Variants in TKTL1 observed in about 807,000 individuals in gnomAD.
TKTL1 encodes the protein transketolase-like protein 1.
In TKTL1, 1 loss-of-function variant was observed where a neutral mutation model predicts 39.3. The observed-to-expected ratio is 0.03, with a 90% CI of 0.01 to 0.12. The LOEUF (loss-of-function observed/expected upper bound fraction) is 0.12, where lower values mean the gene tolerates loss of function less well. TKTL1 is among the 10% of genes least tolerant of loss of function. The probability of loss-of-function intolerance (pLI) is 1.00; values close to 1 mark genes in which losing one functional copy is unlikely to be tolerated. For synonymous variants in TKTL1, 262 were observed against 193.8 expected (o/e 1.35, Z -2.92); for missense variants, 575 against 509.6 (o/e 1.13, Z -1.24).
At chrX:154,318,708 A>G (rs1358362185) in intron 7 of TKTL1, among the ~76,000 whole-genome samples, 7 of 72,833 alleles carry the variant, frequency 9.6e-5, no homozygotes, top group African/African-American at 6.2e-4. Flanking sequence ...CCTCCGTCTC[A>G]AAAAAAAAAA....
chrX:154,327,845 T>C lies in TKTL1; in HGVS notation c.1505T>C (p.Phe502Ser), dbSNP rs782716102. The change falls in exon 12 of 13, where the codon TTT (phenylalanine) becomes TCT (serine). Residue 502 changes from phenylalanine (F) to serine (S), a missense_variant. Coordinates refer to ENST00000369915, the MANE Select transcript of TKTL1 (RefSeq NM_012253.4). ...AADELSKQDI[F>S]IRVIDLFTIK... ...GGTTTTTGCTGTTCTGCAGATATTT[T>C]TATCCGTGTCATCGACCTGTTTACC... The C allele has an allele frequency of 8.3e-7, 1 of 1,210,270 alleles. No individual in the cohort carries two copies. The highest frequency in any genetic ancestry group is 2.2e-5 in the Admixed American group (1 of 45,802).
intron 1 of TKTL1, among the ~76,000 whole-genome samples, chrX:154,297,729 A>G (rs1465194211): frequency 9.1e-6 from 1 of 110,424 alleles, no homozygotes; most frequent in East Asian, 2.9e-4. Flanking sequence ...GTGTGAGCCT[A>G]GAAAGTTCGA....
intron 1 of TKTL1, among the ~76,000 whole-genome samples, chrX:154,303,473 C>T (rs1444041550): frequency 2.1e-5 from 2 of 96,226 alleles, no homozygotes; most frequent in Admixed American, 1.2e-4. Context: ...TCAAGCAATC[C>T]TCCTGCATCA....
At chrX:154,315,472 C>T (rs1003906395) in intron 7 of TKTL1, 135 bp downstream of exon 7, 3 of 648,157 alleles carry the variant, frequency 4.6e-6, no homozygotes, top group African/African-American at 2.2e-5. Flanking sequence ...AAGCAGGAGG[C>T]AAGTAGCCAG....
chrX:154,317,037 T>C (rs1268828933), intron 7 of TKTL1, among the ~76,000 whole-genome samples: 1 of 111,357 alleles, frequency 9.0e-6, no homozygotes, highest in Non-Finnish European at 1.9e-5. Flanking sequence ...CCCAAAGTGC[T>C]GGGATTACAG....
In TKTL1 at chrX:154,306,257, C is replaced by T. The variant is rs782594770; in HGVS notation, c.252+836C>T. On this transcript the variant is annotated intron_variant, in intron 2 of 12. Coordinates refer to ENST00000369915, the MANE Select transcript of TKTL1 (RefSeq NM_012253.4). ...CTGGGAGGCAGAGGTTACAGTGAGC[C>T]GAGATCGTGCCACTGCACTCCAGCC... is the stretch of plus-strand genomic sequence containing the variant. Among the ~76,000 whole-genome samples, 7 of 111,990 alleles carry T rather than the reference C, an allele frequency of 6.3e-5. No homozygotes were observed. The South Asian group carries it at 1.1e-3, about 18-fold the overall frequency.
In TKTL1 at chrX:154,306,181, T is replaced by C. The variant is rs991313861; in HGVS notation, c.252+760T>C. On this transcript the variant is annotated intron_variant, in intron 2 of 12. Transcript: ENST00000369915. ...AAAATTAGCTAGGCATGGTAGCACATGCCTCTAATCCCAGCTTTTCGGGAG... is the reference window on the plus strand; with the variant it reads ...AAAATTAGCTAGGCATGGTAGCACACGCCTCTAATCCCAGCTTTTCGGGAG... 2.7e-5 allele frequency among the ~76,000 whole-genome samples: 3 copies of C among 110,812 alleles called. No homozygotes were observed. In the South Asian group the frequency reaches 1.2e-3, roughly 43 times the overall value.
chrX:154,304,506 G>C (rs782044064), intron 1 of TKTL1, among the ~76,000 whole-genome samples: 2 of 109,850 alleles, frequency 1.8e-5, no homozygotes, highest in African/African-American at 6.6e-5. Flanking sequence ...CGAGGCGGGA[G>C]AATCACTTGA....
rs2067502093 is a variant in TKTL1 at position 154,327,522 on chromosome X, T to G, written c.1402-69T>G. On this transcript the variant is annotated intron_variant, in intron 10 of 12. Coordinates refer to ENST00000369915, the MANE Select transcript of TKTL1 (RefSeq NM_012253.4). ...ATTGGGGGATAGCGGCATAGCAAAG[T>G]GCCTTCCACTTTGACATGCATTCTG... 1.1e-5 allele frequency: 10 copies of G among 946,089 alleles called. No individual in the cohort carries two copies. The South Asian group carries it at 1.9e-4, about 18-fold the overall frequency. 78.0% of individuals were successfully genotyped at this position (946,089 alleles called of 1,213,427 possible). A position where few individuals can be genotyped will look rare whatever the true frequency, so the allele number is the denominator to read the frequency against.
rs111702195 is a variant in TKTL1 at position 154,322,489 on chromosome X, C to T, written c.1187-718C>T. On this transcript the variant is annotated intron_variant, in intron 8 of 12. Coordinates refer to ENST00000369915, the MANE Select transcript of TKTL1 (RefSeq NM_012253.4). ...AGAGGCTGCGGTGAGCCAAGATGAC[C>T]TAGTGCGCTCAAGCCTGGGCAACAG... Among the ~76,000 whole-genome samples the T allele has an allele frequency of 4.9e-3, 547 of 111,086 alleles. 2 individuals carry two copies. Among genetic ancestry groups the T allele is most frequent in the Middle Eastern group, 0.023 (5 of 219 alleles).
Position 154,295,802 on chromosome X carries a change from G to A in TKTL1, c.-58G>A, listed in dbSNP as rs782119844. On this transcript the variant is annotated 5_prime_UTR_variant, in exon 1 of 13. Coordinates refer to ENST00000369915, the MANE Select transcript of TKTL1 (RefSeq NM_012253.4). Reference sequence around the variant, plus strand: ...ACTGGGCAGCTCGCAGGCGCCATTCGCTCTTCAGACGCCGGAGACGTAGGA... The same window carrying A: ...ACTGGGCAGCTCGCAGGCGCCATTCACTCTTCAGACGCCGGAGACGTAGGA... The A allele has an allele frequency of 4.4e-5, 52 of 1,180,040 alleles. No homozygotes were observed. In the African/African-American group the frequency reaches 7.1e-4, roughly 16 times the overall value.
rs1458894897 is a variant in TKTL1, at chrX:154,304,622, G to T, written c.135-682G>T. Reference sequence around the variant, plus strand: ...TCGCGGGTCCCCATTAAGAAAATGGGGGAGGGACAGTCCCCATTTTCTTAA... The same window carrying T: ...TCGCGGGTCCCCATTAAGAAAATGGTGGAGGGACAGTCCCCATTTTCTTAA... On this transcript the variant is annotated intron_variant, in intron 1 of 12. Coordinates refer to ENST00000369915, the MANE Select transcript of TKTL1 (RefSeq NM_012253.4). 2.8e-5 allele frequency among the ~76,000 whole-genome samples: 3 copies of T among 108,319 alleles called. No individual in the cohort carries two copies. The Admixed American group carries it at 2.9e-4, about 10-fold the overall frequency. 94.1% of individuals were successfully genotyped at this position (108,319 alleles called of 115,157 possible).
At chrX:154,299,703 G>A (rs781841130) in intron 1 of TKTL1, among the ~76,000 whole-genome samples, 34 of 111,153 alleles carry the variant, frequency 3.1e-4, no homozygotes, top group Non-Finnish European at 6.0e-4. Context: ...ACAGTATTTG[G>A]TTTTCTATTC....
rs183407036 is a variant in TKTL1, at chrX:154,325,428, G to A, written c.1401+6G>A. ...TTGAGATCGGACAGGCCAAGGTAAGGGCTTACGCGCTCCTGCGTTATTCAG... is the reference window on the plus strand; with the variant it reads ...TTGAGATCGGACAGGCCAAGGTAAGAGCTTACGCGCTCCTGCGTTATTCAG... On this transcript the variant is annotated splice_donor_region_variant and intron_variant, in intron 10 of 12. Transcript: ENST00000369915. 1.5e-4 allele frequency: 182 copies of A among 1,192,590 alleles called. No homozygotes were observed. The highest frequency in any genetic ancestry group is 1.0e-3 in the Admixed American group (47 of 45,807).
intron 1 of TKTL1, among the ~76,000 whole-genome samples, chrX:154,299,483 T>G (rs1212637799): frequency 9.0e-6 from 1 of 110,612 alleles, no homozygotes; most frequent in Non-Finnish European, 1.9e-5. Context: ...ATTTTAATAG[T>G]GTTAGGGGTA....
At chrX:154,326,602 C>T (rs890258561) in intron 10 of TKTL1, among the ~76,000 whole-genome samples, 2 of 112,404 alleles carry the variant, frequency 1.8e-5, no homozygotes, top group East Asian at 5.5e-4. Flanking sequence ...TGTGCCATAA[C>T]GTAGCTGGAA....
Position 154,311,254 on chromosome X carries a change from C to T in TKTL1, c.670+16C>T. 1 of 1,210,412 alleles carries T rather than the reference C, an allele frequency of 8.3e-7. No individual in the cohort carries two copies. Among genetic ancestry groups the T allele is most frequent in the Non-Finnish European group, 1.1e-6 (1 of 894,330 alleles). The stretch of plus-strand genomic sequence containing the variant: ...GGCACCCCAAGTAAGCAAGCACTTT[C>T]CTCCTGCTCCTGGTTGTTAAAAGCA... On this transcript the variant is annotated intron_variant, in intron 5 of 12. Coordinates refer to ENST00000369915, the MANE Select transcript of TKTL1 (RefSeq NM_012253.4).
chrX:154,296,106 C>G (rs1222876481), intron 1 of TKTL1, 113 bp downstream of exon 1: 6 of 1,009,961 alleles, frequency 5.9e-6, no homozygotes, highest in East Asian at 3.1e-5. Context: ...GCACAATGGG[C>G]TGTGTCGTAA....
In TKTL1 at chrX:154,326,253, G is replaced by T. The variant is rs193291450; in HGVS notation, c.1401+831G>T. Among the ~76,000 whole-genome samples, 4 of 111,691 alleles carry T rather than the reference G, an allele frequency of 3.6e-5. No homozygotes were observed. The East Asian group carries it at 1.1e-3, about 31-fold the overall frequency. ...CAGTCTCCCCAGGTCTGCCCACCAC[G>T]CTGACCATCCCCTGCTCAGCCTGCC... is the stretch of plus-strand genomic sequence containing the variant. On this transcript the variant is annotated intron_variant, in intron 10 of 12. Transcript: ENST00000369915.
Sources: gnomAD v4.1 joint callset for allele counts (sites outside exome capture counted in the v4.1 genomes callset) on GRCh38, gnomAD v4.1.1 for gene constraint, MANE v1.5 for transcripts, NCBI Gene and HGNC (gene_info 2026-07-23, HGNC 2026-07-21) for gene names.